TNKS2: variants seen among roughly 807,000 people sequenced by gnomAD.
The protein encoded by TNKS2 is tankyrase 2.
A neutral mutation model predicts 137.6 loss-of-function variants in TNKS2; 72 were observed. The observed-to-expected ratio is 0.52, with a 90% CI of 0.43 to 0.64. The LOEUF is 0.64. Among genes scored for constraint, TNKS2 ranks in the 30% least tolerant of loss-of-function variants. The pLI is 0.00. For missense variants in TNKS2, 1,049 were observed against 1,410.2 expected, an observed-to-expected ratio of 0.74 and a Z score of 4.10; for synonymous variants, 516 against 512.1, an observed-to-expected ratio of 1.01 and a Z score of -0.10.
At chr10:91,845,695 GAAAGT>G (rs1207525622) in intron 17 of TNKS2, 52 bp from the exon 18 acceptor site, 1 of 1,339,056 alleles carries the variant, frequency 7.5e-7, no homozygotes, top group Non-Finnish European at 9.8e-7. Context: ...TTCATTTTAA[GAAAGT>G]AAAGTGTGAC....
At chr10:91,817,053 A>T in intron 2 of TNKS2, 81 bp from the exon 3 acceptor site, 1 of 942,352 alleles carries the variant, frequency 1.1e-6, no homozygotes, top group Non-Finnish European at 1.7e-6. Flanking sequence ...TTGCTGGACC[A>T]GACTTCTTGA....
chr10:91,862,031 A>G lies in TNKS2; in HGVS notation c.3314A>G (p.Lys1105Arg), dbSNP rs1564632916. 5 of 1,611,392 alleles carry G rather than the reference A, an allele frequency of 3.1e-6. No individual in the cohort carries two copies. The highest frequency in any genetic ancestry group is 4.2e-6 in the Non-Finnish European group (5 of 1,178,554). The change falls in exon 26 of 27, where the codon AAG becomes AGG. Residue 1105 changes from lysine to arginine, a missense_variant. Around this residue, in one of 6 missense-constraint regions of TNKS2, gnomAD observed 133 missense variants for 248.4 expected, o/e 0.54. Transcript: ENST00000371627. ...CTCTTTTGCCGGGTAACCTTGGGAA[A>G]GTCTTTCCTGCAGTTCAGTGCAATG... Reference protein sequence around the residue: ...QLLFCRVTLGKSFLQFSAMKM... With the variant: ...QLLFCRVTLGRSFLQFSAMKM...
Position 91,863,909 on chromosome 10 carries a change from A to T in TNKS2, c.*910A>T, listed in dbSNP as rs892076859. 1 of 152,046 alleles carries T rather than the reference A, an allele frequency of 6.6e-6. No homozygotes were observed. The highest frequency in any genetic ancestry group is 2.4e-5 in the African/African-American group (1 of 41,396). 9.4% of individuals were successfully genotyped at this position (152,046 alleles called of 1,614,324 possible). On this transcript the variant is annotated 3_prime_UTR_variant, in exon 27 of 27. Transcript: ENST00000371627. ...GTTCTTTTCATGGAACATAAGTAGGATGTTACATTTCCAGGGTGGGAAGGG... is the reference window on the plus strand; with the variant it reads ...GTTCTTTTCATGGAACATAAGTAGGTTGTTACATTTCCAGGGTGGGAAGGG...
chr10:91,823,418 C>G (rs571915166), intron 7 of TNKS2, among the ~76,000 whole-genome samples: 35 of 146,868 alleles, frequency 2.4e-4, no homozygotes, highest in Admixed American at 2.3e-3. Context: ...AGCTCCGCCT[C>G]CTGGGTTCAA....
chr10:91,859,704 C>A, intron 25 of TNKS2, 56 bp downstream of exon 25: 1 of 1,451,602 alleles, frequency 6.9e-7, no homozygotes, highest in Non-Finnish European at 9.5e-7. Context: ...GAACTAGTTG[C>A]ATTTTTGAGG....
chr10:91,855,685 C>G lies in TNKS2; in HGVS notation c.2985C>G (p.Leu995=). The change falls in exon 23 of 27, where the codon CTC becomes CTG. Residue 995 remains leucine, a synonymous_variant. Transcript: ENST00000371627. ...GAATCTTCAACAGATACAATATTCT[C>G]AAGGTAATAAATTAGTGAAAGTAAA... is the stretch of plus-strand genomic sequence containing the variant. ...AGGIFNRYNI[L]KIQKVCNKKL... The G allele has an allele frequency of 6.2e-7, 1 of 1,608,964 alleles. No homozygotes were observed. Among genetic ancestry groups the G allele is most frequent in the Non-Finnish European group, 8.5e-7 (1 of 1,176,794 alleles).
At chr10:91,819,152 T>C in intron 3 of TNKS2, 118 bp from the exon 4 acceptor site, 2 of 608,694 alleles carry the variant, frequency 3.3e-6, no homozygotes. Context: ...CTATTTTCCA[T>C]TTATTGGAAA....
rs1395881546 is a variant in TNKS2 at position 91,848,433 on chromosome 10, G to C, written c.2409G>C (p.Leu803=). ...CAGCAGCCATGCCCCCATCTGCTCT[G>C]CCCTCTTGTTACAAGCCTCAAGTGC... The part of the protein sequence containing the change: ...LLTAAMPPSA[L]PSCYKPQVLN... The change falls in exon 19 of 27, where the codon CTG becomes CTC. Residue 803 remains leucine (L), a synonymous_variant. Transcript: ENST00000371627. 6.8e-6 allele frequency: 11 copies of C among 1,614,196 alleles called. No homozygotes were observed. The highest frequency in any genetic ancestry group is 9.3e-6 in the Non-Finnish European group (11 of 1,180,032).
chr10:91,828,223 C>G (rs1845125864), intron 8 of TNKS2, 62 bp from the exon 9 acceptor site: 1 of 1,378,634 alleles, frequency 7.3e-7, no homozygotes, highest in Non-Finnish European at 9.5e-7. Context: ...TACTAGATGT[C>G]TTTTAGATAA....
At chr10:91,828,646 A>AT (rs1845141574) in intron 9 of TNKS2, among the ~76,000 whole-genome samples, 1 of 152,228 alleles carries the variant, frequency 6.6e-6, no homozygotes, top group African/African-American at 2.4e-5. Context: ...ATATTCTGAC[A>AT]TGTATTATAT....
Position 91,863,071 on chromosome 10 carries a change from C to G in TNKS2, c.*72C>G. Reference sequence around the variant, plus strand: ...GCAGCAGTGGCCTCTACGTTTTACTCCTTTGCTGAAAAAAAATCATCTTGC... The same window carrying G: ...GCAGCAGTGGCCTCTACGTTTTACTGCTTTGCTGAAAAAAAATCATCTTGC... On this transcript the variant is annotated 3_prime_UTR_variant, in exon 27 of 27. Coordinates refer to ENST00000371627, the MANE Select transcript of TNKS2 (RefSeq NM_025235.4). 9.1e-7 allele frequency: 1 copy of G among 1,103,590 alleles called. No individual in the cohort carries two copies. The highest frequency in any genetic ancestry group is 1.3e-6 in the Non-Finnish European group (1 of 748,668). 68.4% of individuals were successfully genotyped at this position (1,103,590 alleles called of 1,614,324 possible).
At chr10:91,843,767 A>C (rs1285421882) in intron 16 of TNKS2, among the ~76,000 whole-genome samples, 1 of 152,234 alleles carries the variant, frequency 6.6e-6, no homozygotes, top group Non-Finnish European at 1.5e-5. Context: ...TATAAAAAGC[A>C]AGAAAAAATA....
chr10:91,798,588 C>T lies in TNKS2; in HGVS notation c.-103C>T, dbSNP rs1444810882. On this transcript the variant is annotated 5_prime_UTR_variant, in exon 1 of 27. Coordinates refer to ENST00000371627, the MANE Select transcript of TNKS2 (RefSeq NM_025235.4). ...CAGCAGGGAGCCAAGCGGCCCGGGCCCTGAGCGCGTCTTCTCCGGGGGGCC... is the reference window on the plus strand; with the variant it reads ...CAGCAGGGAGCCAAGCGGCCCGGGCTCTGAGCGCGTCTTCTCCGGGGGGCC... 8.5e-7 allele frequency: 1 copy of T among 1,182,772 alleles called. No individual in the cohort carries two copies. The highest frequency in any genetic ancestry group is 1.0e-6 in the Non-Finnish European group (1 of 952,452). The allele number at this position is 1,182,772 out of a possible 1,614,324, so 73.3% of individuals were successfully genotyped here.
chr10:91,818,647 C>G (rs1334646921), intron 3 of TNKS2, among the ~76,000 whole-genome samples: 1 of 152,102 alleles, frequency 6.6e-6, no homozygotes, highest in South Asian at 2.1e-4. Flanking sequence ...ATCCTCCAAC[C>G]TCAGTCTCCT....
chr10:91,835,104 A>G (rs2260773), intron 12 of TNKS2, among the ~76,000 whole-genome samples: 28,940 of 152,096 alleles, frequency 0.19, 2,859 homozygotes, highest in Middle Eastern at 0.28. Flanking sequence ...GTGAATATGC[A>G]TGTGTGAATT....
chr10:91,849,361 G>C, intron 19 of TNKS2, 151 bp from the exon 20 acceptor site: 1 of 466,852 alleles, frequency 2.1e-6, no homozygotes, highest in Non-Finnish European at 3.6e-6. Flanking sequence ...TTGAAATTTT[G>C]TAGCTTTCTC....
At chr10:91,814,418 CTAAAGT>C (rs1002290480) in intron 2 of TNKS2, among the ~76,000 whole-genome samples, 3 of 152,010 alleles carry the variant, frequency 2.0e-5, no homozygotes, top group East Asian at 1.9e-4. Flanking sequence ...TTACAGTAAG[CTAAAGT>C]TAATTATTGA....
chr10:91,799,498 GAC>G (rs1284205378), intron 1 of TNKS2, among the ~76,000 whole-genome samples: 1 of 152,142 alleles, frequency 6.6e-6, no homozygotes, highest in East Asian at 1.9e-4. Flanking sequence ...GGAAGCCTTA[GAC>G]ACACACACAT....
At chr10:91,841,061 A>G (rs1842195187) in intron 14 of TNKS2, among the ~76,000 whole-genome samples, 1 of 152,140 alleles carries the variant, frequency 6.6e-6, no homozygotes, top group African/African-American at 2.4e-5. Context: ...CGTTGCATAT[A>G]TGGATGAATG....
Sources: allele counts gnomAD v4.1 joint callset (sites outside exome capture counted in the v4.1 genomes callset), GRCh38; gene constraint gnomAD v4.1.1; regional missense constraint gnomAD v4.1.1; transcripts MANE v1.5; gene names NCBI Gene and HGNC (gene_info 2026-07-23, HGNC 2026-07-21).